Variants in NAALADL2 observed in about 807,000 individuals in gnomAD.
NAALADL2 encodes inactive N-acetylated-alpha-linked acidic dipeptidase-like protein 2.
In NAALADL2, 76 loss-of-function variants were observed where a neutral mutation model predicts 87.2. The observed-to-expected ratio is 0.87, with a 90% CI of 0.72 to 1.05. NAALADL2 has a LOEUF of 1.05. NAALADL2 is among the 50% of genes least tolerant of loss of function. The probability of loss-of-function intolerance (pLI) is 0.00; values close to 1 mark genes in which losing one functional copy is unlikely to be tolerated. For synonymous variants in NAALADL2, 354 were observed against 331.0 expected, an observed-to-expected ratio of 1.07 and a Z score of -0.75; for missense variants, 1,089 against 945.8, an observed-to-expected ratio of 1.15 and a Z score of -1.99.
At chr3:174,947,257 G>C (rs1335218977) in intron 1 of NAALADL2, among the ~76,000 whole-genome samples, 4 of 151,994 alleles carry the variant, frequency 2.6e-5, no homozygotes, top group Non-Finnish European at 5.9e-5. Flanking sequence ...AACATGAGTG[G>C]GTTTTTTTGT....
At chr3:174,831,397 C>T (rs377015735) in intron 3 of NAALADL2, among the ~76,000 whole-genome samples, 17,834 of 121,486 alleles carry the variant, frequency 0.15, 2,310 homozygotes, top group African/African-American at 0.26. Context: ...TCTGTTTATA[C>T]GCTGGATTAC....
At chr3:175,155,833 T>C (rs1025664627) in intron 2 of NAALADL2, among the ~76,000 whole-genome samples, 1 of 152,158 alleles carries the variant, frequency 6.6e-6, no homozygotes, top group African/African-American at 2.4e-5. Flanking sequence ...AAGACAAGCA[T>C]TGTGATGTTT....
chr3:175,272,901 G>C (rs1276882535), intron 4 of NAALADL2, among the ~76,000 whole-genome samples: 1 of 151,980 alleles, frequency 6.6e-6, no homozygotes, highest in East Asian at 1.9e-4. Context: ...GATTAAAATA[G>C]TTGTAGCAAA....
chr3:174,689,131 TATA>T (rs1325134061), intron 2 of NAALADL2, among the ~76,000 whole-genome samples: 2 of 152,082 alleles, frequency 1.3e-5, no homozygotes, highest in African/African-American at 4.8e-5. Context: ...AAACAATAAG[TATA>T]ATGTTTATTT....
Position 175,117,321 on chromosome 3 carries a change from A to G in NAALADL2, c.545+20030A>G, listed in dbSNP as rs555945905. On this transcript the variant is annotated intron_variant, in intron 2 of 13. Coordinates refer to ENST00000454872, the MANE Select transcript of NAALADL2 (RefSeq NM_207015.3). ...AAAAGAAACCACCATCAGAGTGAAC[A>G]GGCAATCTAAAGAATGGGAGAAAAT... Among the ~76,000 whole-genome samples the G allele has an allele frequency of 1.7e-4, 26 of 152,272 alleles. No individual in the cohort carries two copies. The South Asian group carries it at 5.4e-3, about 32-fold the overall frequency.
intron 1 of NAALADL2, among the ~76,000 whole-genome samples, chr3:175,010,380 T>C (rs892495889): frequency 2.6e-5 from 4 of 152,164 alleles, no homozygotes; most frequent in Non-Finnish European, 5.9e-5. Flanking sequence ...AGAACATCAC[T>C]TTCTAAGAGC....
At chr3:175,762,142 A>G (rs1247720942) in intron 13 of NAALADL2, among the ~76,000 whole-genome samples, 1 of 146,252 alleles carries the variant, frequency 6.8e-6, no homozygotes, top group African/African-American at 2.5e-5. Flanking sequence ...ATTTAGGTCT[A>G]TGATCCATTC....
intron 1 of NAALADL2, among the ~76,000 whole-genome samples, chr3:174,968,153 TCTTA>T (rs1395584196): frequency 3.3e-5 from 5 of 152,214 alleles, no homozygotes; most frequent in African/African-American, 1.2e-4. Context: ...ATTTCCCACC[TCTTA>T]CTTTGGGTAT....
intron 3 of NAALADL2, among the ~76,000 whole-genome samples, chr3:174,839,616 A>G (rs1308035232): frequency 6.6e-6 from 1 of 152,172 alleles, no homozygotes; most frequent in African/African-American, 2.4e-5. Context: ...ACTAATATCC[A>G]GAATCTATAA....
upstream of NAALADL2, among the ~76,000 whole-genome samples, chr3:174,854,584 C>A: frequency 6.6e-6 from 1 of 151,500 alleles, no homozygotes; most frequent in East Asian, 1.9e-4. Context: ...GAATGATATC[C>A]CAATTATGCT....
At chr3:175,777,440 G>C (rs989461704) in intron 13 of NAALADL2, among the ~76,000 whole-genome samples, 5 of 151,974 alleles carry the variant, frequency 3.3e-5, no homozygotes. Flanking sequence ...AAAATGCTTG[G>C]AATATGGGGA....
intron 1 of NAALADL2, among the ~76,000 whole-genome samples, chr3:174,933,671 C>T (rs1033180747): frequency 1.3e-5 from 2 of 152,068 alleles, no homozygotes; most frequent in Admixed American, 1.3e-4. Flanking sequence ...ACTAAGTAAC[C>T]ATTTTGCTGT....
intron 3 of NAALADL2, among the ~76,000 whole-genome samples, chr3:174,757,468 G>C (rs1298583167): frequency 6.6e-6 from 1 of 151,948 alleles, no homozygotes; most frequent in Non-Finnish European, 1.5e-5. Flanking sequence ...CCTCAGTGTT[G>C]GCCTGAGATG....
intron 3 of NAALADL2, among the ~76,000 whole-genome samples, chr3:174,769,161 T>C (rs1714220446): frequency 6.6e-6 from 1 of 152,038 alleles, no homozygotes; most frequent in East Asian, 1.9e-4. Context: ...TTTGATGCCT[T>C]ATTTTGTGGT....
At chr3:175,246,434 A>C (rs1747991326) in intron 3 of NAALADL2, among the ~76,000 whole-genome samples, 1 of 152,182 alleles carries the variant, frequency 6.6e-6, no homozygotes, top group African/African-American at 2.4e-5. Context: ...TCTCTTAGAG[A>C]ACGAGAAAGG....
At chr3:174,956,961 A>C (rs993662217) in intron 1 of NAALADL2, among the ~76,000 whole-genome samples, 1 of 151,994 alleles carries the variant, frequency 6.6e-6, no homozygotes, top group African/African-American at 2.4e-5. Context: ...CCTCCTTTTC[A>C]GGGATGTAGC....
chr3:175,180,507 A>G (rs2108982507), intron 2 of NAALADL2, among the ~76,000 whole-genome samples: 1 of 152,072 alleles, frequency 6.6e-6, no homozygotes, highest in East Asian at 1.9e-4. Context: ...TGAAATCAAG[A>G]TAATGAAATC....
chr3:174,461,544 T>C (rs1001044973), intron 1 of NAALADL2, among the ~76,000 whole-genome samples: 4 of 152,124 alleles, frequency 2.6e-5, no homozygotes, highest in African/African-American at 9.6e-5. Context: ...TTACTTTAGA[T>C]AGAAGTAGAT....
At chr3:174,540,929 C>G (rs531200058) in intron 1 of NAALADL2, among the ~76,000 whole-genome samples, 3 of 152,072 alleles carry the variant, frequency 2.0e-5, no homozygotes, top group Non-Finnish European at 2.9e-5. Flanking sequence ...AGCTACTGCG[C>G]AACTATGTAC....
Sources: gnomAD v4.1 joint callset for allele counts (sites outside exome capture counted in the v4.1 genomes callset) on GRCh38, gnomAD v4.1.1 for gene constraint, MANE v1.5 for transcripts, NCBI Gene and HGNC (gene_info 2026-07-23, HGNC 2026-07-21) for gene names.